CDC14B: variants seen among roughly 807,000 people sequenced by gnomAD.
CDC14B encodes the protein cell division cycle 14B.
Under a neutral mutation model 64.2 loss-of-function variants are expected in CDC14B, and 22 were observed. That is an observed-to-expected ratio of 0.34 (90% CI 0.24 to 0.49). The LOEUF is 0.49. Ranked by LOEUF, CDC14B falls within the 20% of genes least tolerant of loss-of-function variation. The pLI, the probability that CDC14B is intolerant of heterozygous loss-of-function variation, is 0.99. For synonymous variants in CDC14B, 191 were observed against 215.8 expected (o/e 0.89, Z 1.01); for missense variants, 498 against 629.9 (o/e 0.79, Z 2.24).
At chr9:96,600,484 G>C (rs1311171689) in intron 1 of CDC14B, among the ~76,000 whole-genome samples, 3 of 151,720 alleles carry the variant, frequency 2.0e-5, no homozygotes, top group Non-Finnish European at 4.4e-5. Context: ...GGGATAAGGA[G>C]AGAGTATTCT....
At chr9:96,527,637 A>T (rs974165672) in intron 9 of CDC14B, among the ~76,000 whole-genome samples, 14 of 151,606 alleles carry the variant, frequency 9.2e-5, no homozygotes, top group Admixed American at 7.9e-4. Context: ...TTTTTTTGAG[A>T]TGGAGTCTTG....
chr9:96,556,940 G>A (rs939520148), intron 4 of CDC14B, among the ~76,000 whole-genome samples: 11 of 152,134 alleles, frequency 7.2e-5, no homozygotes, highest in African/African-American at 2.7e-4. Context: ...CTGCTCCTCT[G>A]GCCGTATTTA....
At chr9:96,492,762 T>A (rs1181663433) in exon 14 of CDC14B, 1 of 151,992 alleles carries the variant, frequency 6.6e-6, no homozygotes, top group East Asian at 1.9e-4. Context: ...AAAAAAAATT[T>A]TTTTAAAAAG....
intron 5 of CDC14B, among the ~76,000 whole-genome samples, chr9:96,544,443 A>G (rs1041329740): frequency 1.3e-5 from 2 of 152,170 alleles, no homozygotes; most frequent in African/African-American, 2.4e-5. Context: ...TTACTGACTG[A>G]GCTGCTTAGA....
chr9:96,497,890 C>G (rs888274535), downstream of CDC14B, among the ~76,000 whole-genome samples: 25 of 152,274 alleles, frequency 1.6e-4, no homozygotes, highest in Middle Eastern at 0.017. Context: ...TTGCAAACAG[C>G]CTGGGCCCAG....
intron 5 of CDC14B, among the ~76,000 whole-genome samples, chr9:96,549,312 T>C (rs139414755): frequency 8.5e-5 from 13 of 152,342 alleles, no homozygotes; most frequent in African/African-American, 2.6e-4. Flanking sequence ...TAACTATAAA[T>C]GTTTCTAAAA....
At chr9:96,523,759 G>C in intron 9 of CDC14B, 34 bp from the exon 10 acceptor site, 1 of 1,600,190 alleles carries the variant, frequency 6.2e-7, no homozygotes, top group Non-Finnish European at 8.5e-7. Flanking sequence ...AATGAAACTT[G>C]GGCTGATGTA....
At chr9:96,509,923 A>G (rs1278555420) in intron 12 of CDC14B, 134 bp from the exon 13 acceptor site, 6 of 585,414 alleles carry the variant, frequency 1.0e-5, no homozygotes, top group African/African-American at 3.8e-5. Flanking sequence ...CACATTTACC[A>G]AAAAAATCTG....
intron 1 of CDC14B, among the ~76,000 whole-genome samples, chr9:96,579,020 G>A (rs750879171): frequency 2.6e-5 from 4 of 151,968 alleles, no homozygotes; most frequent in African/African-American, 4.8e-5. Flanking sequence ...GTTTCACCAT[G>A]TTGGCCAGGC....
chr9:96,559,064 C>G (rs1842839441), intron 4 of CDC14B, among the ~76,000 whole-genome samples: 1 of 152,194 alleles, frequency 6.6e-6, no homozygotes, highest in Non-Finnish European at 1.5e-5. Flanking sequence ...TGACGCCTGA[C>G]CATCTGTCAA....
rs999912549 is a variant in CDC14B at position 96,607,413 on chromosome 9, C to CTT, written c.160+11804_160+11805dup. 4.8e-3 allele frequency among the ~76,000 whole-genome samples: 320 copies of CTT among 66,332 alleles called. 8 individuals are homozygous for CTT. Among genetic ancestry groups the CTT allele is most frequent in the African/African-American group, 0.016 (263 of 16,920 alleles). The allele number at this position is 66,332 out of a possible 152,430, so 43.5% of individuals were successfully genotyped here. ...ATTCACTTCAGGTTAAACGTGATGTCTTTTTTTTTTTTTTTTTTTTTTTTT... is the reference window on the plus strand; with the variant it reads ...ATTCACTTCAGGTTAAACGTGATGTCTTTTTTTTTTTTTTTTTTTTTTTTTTT... On this transcript the variant is annotated intron_variant, in intron 1 of 13. Coordinates refer to ENST00000375241, the MANE Select transcript of CDC14B (RefSeq NM_033331.4).
At chr9:96,513,030 GCCA>G (rs1419331513) in intron 12 of CDC14B, among the ~76,000 whole-genome samples, 18 of 152,222 alleles carry the variant, frequency 1.2e-4, no homozygotes, top group African/African-American at 4.3e-4. Flanking sequence ...GTGTTTAAAT[GCCA>G]TTCAAAACAA....
At chr9:96,492,826 A>T (rs949146712) in exon 14 of CDC14B, 4 of 152,196 alleles carry the variant, frequency 2.6e-5, no homozygotes, top group African/African-American at 4.8e-5. Context: ...TGAAAGCCTA[A>T]GCTGCATGTC....
intron 1 of CDC14B, among the ~76,000 whole-genome samples, chr9:96,588,808 C>T (rs1845609811): frequency 6.6e-6 from 1 of 152,086 alleles, no homozygotes; most frequent in Non-Finnish European, 1.5e-5. Flanking sequence ...CCTTTTCTTA[C>T]ATAAAAAGGG....
chr9:96,566,054 C>T (rs114212759), intron 1 of CDC14B, among the ~76,000 whole-genome samples: 174 of 115,104 alleles, frequency 1.5e-3, no homozygotes, highest in African/African-American at 6.5e-3. Context: ...GACAAATTAC[C>T]ATTAAAACAG....
intron 1 of CDC14B, among the ~76,000 whole-genome samples, chr9:96,580,990 G>A (rs962230175): frequency 1.2e-4 from 18 of 152,126 alleles, no homozygotes; most frequent in African/African-American, 3.6e-4. Flanking sequence ...CCAGCACTTC[G>A]GGAGGCAGAG....
chr9:96,521,117 T>A (rs1836642294), intron 12 of CDC14B, among the ~76,000 whole-genome samples: 1 of 152,222 alleles, frequency 6.6e-6, no homozygotes, highest in Admixed American at 6.5e-5. Context: ...TCACCCAGGC[T>A]GGAGTGCAAT....
At chr9:96,561,077 C>G (rs894451569) in intron 4 of CDC14B, among the ~76,000 whole-genome samples, 4 of 152,096 alleles carry the variant, frequency 2.6e-5, no homozygotes, top group Non-Finnish European at 4.4e-5. Context: ...GCTGGGACTA[C>G]AGGCATGTGC....
intron 7 of CDC14B, among the ~76,000 whole-genome samples, chr9:96,535,803 G>C (rs1047531256): frequency 2.8e-5 from 4 of 145,078 alleles, no homozygotes; most frequent in African/African-American, 5.8e-5. Flanking sequence ...GCCGGGTGCA[G>C]TGGCATGCAC....
Sources: gnomAD v4.1 joint callset for allele counts (sites outside exome capture counted in the v4.1 genomes callset) on GRCh38, gnomAD v4.1.1 for gene constraint, MANE v1.5 for transcripts, NCBI Gene and HGNC (gene_info 2026-07-23, HGNC 2026-07-21) for gene names.